Variants in GABRB2 observed in about 807,000 individuals in gnomAD.
GABRB2 encodes gamma-aminobutyric acid type A receptor subunit beta2, also known as gamma-aminobutyric acid receptor subunit beta-2.
Under a neutral mutation model 54.7 loss-of-function variants are expected in GABRB2, and 16 were observed. The ratio of observed to expected loss-of-function variants is 0.29; its 90% CI spans 0.20 to 0.44. The LOEUF (loss-of-function observed/expected upper bound fraction) is 0.44, where lower values mean the gene tolerates loss of function less well. Ranked by LOEUF, GABRB2 falls within the 20% of genes least tolerant of loss-of-function variation. The pLI is 1.00. For missense variants in GABRB2, 355 were observed against 644.0 expected (o/e 0.55, Z 4.86); for synonymous variants, 244 against 233.8 (o/e 1.04, Z -0.40).
At chr5:161,481,005 C>G (rs752128502) in intron 3 of GABRB2, among the ~76,000 whole-genome samples, 37 of 151,772 alleles carry the variant, frequency 2.4e-4, no homozygotes. Flanking sequence ...ATACCACAGA[C>G]GAAAAACTCA....
chr5:161,326,588 A>G, intron 8 of GABRB2, 107 bp from the exon 9 acceptor site: 2 of 1,296,736 alleles, frequency 1.5e-6, no homozygotes, highest in African/African-American at 3.0e-5. Flanking sequence ...GGCCTTTAGA[A>G]ATCCTTTAGA....
At chr5:161,468,274 C>T (rs1410908166) in intron 3 of GABRB2, among the ~76,000 whole-genome samples, 1 of 152,082 alleles carries the variant, frequency 6.6e-6, no homozygotes, top group Non-Finnish European at 1.5e-5. Flanking sequence ...GCCTTTAAGG[C>T]CTATGTAACC....
chr5:161,516,787 A>G (rs1404063821), intron 3 of GABRB2, among the ~76,000 whole-genome samples: 3 of 152,202 alleles, frequency 2.0e-5, no homozygotes, highest in African/African-American at 7.2e-5. Flanking sequence ...CCATGTTCAA[A>G]CAATCCAACA....
At chr5:161,455,780 ACCT>A (rs1195762232) in intron 4 of GABRB2, among the ~76,000 whole-genome samples, 1 of 151,982 alleles carries the variant, frequency 6.6e-6, no homozygotes, top group East Asian at 1.9e-4. Flanking sequence ...CAATCTGCCC[ACCT>A]CAGCCTCCCA....
chr5:161,521,645 G>A (rs752858170), intron 3 of GABRB2, among the ~76,000 whole-genome samples: 3 of 151,758 alleles, frequency 2.0e-5, no homozygotes, highest in Non-Finnish European at 4.4e-5. Flanking sequence ...CCAGAATGTG[G>A]TAAAAATGTT....
At chr5:161,346,247 A>G (rs1329122943) in intron 5 of GABRB2, among the ~76,000 whole-genome samples, 3 of 152,086 alleles carry the variant, frequency 2.0e-5, no homozygotes, top group Non-Finnish European at 4.4e-5. Flanking sequence ...CCCTCTGATA[A>G]TAACTTTCAC....
intron 4 of GABRB2, among the ~76,000 whole-genome samples, chr5:161,417,281 T>A (rs1054518166): frequency 3.3e-5 from 5 of 152,234 alleles, no homozygotes; most frequent in African/African-American, 4.8e-5. Flanking sequence ...AACATATTAA[T>A]TGATCACTTA....
chr5:161,535,902 A>T (rs1760619615), intron 3 of GABRB2, among the ~76,000 whole-genome samples: 1 of 152,096 alleles, frequency 6.6e-6, no homozygotes, highest in Non-Finnish European at 1.5e-5. Flanking sequence ...GTAAGTTCTC[A>T]TTCTATCAGT....
intron 5 of GABRB2, among the ~76,000 whole-genome samples, chr5:161,393,453 A>G (rs1275217606): frequency 2.6e-5 from 4 of 151,922 alleles, no homozygotes; most frequent in African/African-American, 9.7e-5. Flanking sequence ...CATCCAACTA[A>G]AAAGCAGGAG....
chr5:161,493,745 G>T (rs1759144822), intron 3 of GABRB2, among the ~76,000 whole-genome samples: 1 of 151,666 alleles, frequency 6.6e-6, no homozygotes, highest in Non-Finnish European at 1.5e-5. Flanking sequence ...ACATTGTAAT[G>T]GATTGTTGCT....
intron 4 of GABRB2, among the ~76,000 whole-genome samples, chr5:161,414,088 A>G (rs1756594450): frequency 6.6e-6 from 1 of 152,220 alleles, no homozygotes; most frequent in Non-Finnish European, 1.5e-5. Context: ...ATGATATAAT[A>G]CACTTCATAA....
At chr5:161,384,231 G>T (rs574532342) in intron 5 of GABRB2, among the ~76,000 whole-genome samples, 1 of 152,260 alleles carries the variant, frequency 6.6e-6, no homozygotes, top group East Asian at 1.9e-4. Flanking sequence ...CACTTTAATT[G>T]CAAAGGCCAC....
chr5:161,392,232 C>G (rs140017086), intron 5 of GABRB2, among the ~76,000 whole-genome samples: 490 of 152,266 alleles, frequency 3.2e-3, no homozygotes, highest in Non-Finnish European at 5.6e-3. Context: ...GTGCTCAAAG[C>G]TCATTTCTGT....
chr5:161,391,092 C>A (rs1362052826), intron 5 of GABRB2, among the ~76,000 whole-genome samples: 1 of 152,048 alleles, frequency 6.6e-6, no homozygotes, highest in Non-Finnish European at 1.5e-5. Context: ...TAAACTTTTT[C>A]CCATAAAGAC....
intron 5 of GABRB2, among the ~76,000 whole-genome samples, chr5:161,360,584 G>T (rs1754780623): frequency 6.6e-6 from 1 of 151,988 alleles, no homozygotes; most frequent in African/African-American, 2.4e-5. Context: ...TCCATTCTCA[G>T]GGTAATAAAA....
At chr5:161,485,162 A>G (rs1191017033) in intron 3 of GABRB2, among the ~76,000 whole-genome samples, 2 of 151,900 alleles carry the variant, frequency 1.3e-5, no homozygotes, top group Admixed American at 6.6e-5. Flanking sequence ...CGGACTCCTC[A>G]CCTTCACTGC....
intron 5 of GABRB2, among the ~76,000 whole-genome samples, chr5:161,378,435 T>C (rs371692169): frequency 6.6e-6 from 1 of 152,132 alleles, no homozygotes; most frequent in South Asian, 2.1e-4. Flanking sequence ...GTATTCCCAG[T>C]ACACTTATTC....
At chr5:161,381,519 A>G (rs534533620) in intron 5 of GABRB2, among the ~76,000 whole-genome samples, 1 of 152,166 alleles carries the variant, frequency 6.6e-6, no homozygotes, top group African/African-American at 2.4e-5. Flanking sequence ...CATTTATTAC[A>G]TGTAGAGATG....
At chr5:161,517,537 T>G (rs969537802) in intron 3 of GABRB2, among the ~76,000 whole-genome samples, 1 of 152,166 alleles carries the variant, frequency 6.6e-6, no homozygotes, top group Non-Finnish European at 1.5e-5. Context: ...TGTATGTGCA[T>G]CCTCATTGTT....
Sources: gnomAD v4.1 joint callset for allele counts (sites outside exome capture counted in the v4.1 genomes callset) on GRCh38, gnomAD v4.1.1 for gene constraint, MANE v1.5 for transcripts, NCBI Gene and HGNC (gene_info 2026-07-23, HGNC 2026-07-21) for gene names.